TTC17: variants seen among roughly 807,000 people sequenced by gnomAD.
TTC17 encodes tetratricopeptide repeat domain 17.
Under a neutral mutation model 143.8 loss-of-function variants are expected in TTC17, and 58 were observed. That is an observed-to-expected ratio of 0.40 (90% confidence interval 0.33 to 0.50). TTC17 has a LOEUF of 0.50. Among genes scored for constraint, TTC17 ranks in the 20% least tolerant of loss-of-function variants. TTC17 has a pLI of 0.49. For synonymous variants in TTC17, 501 were observed against 497.8 expected, an observed-to-expected ratio of 1.01 and a Z score of -0.09; for missense variants, 1,273 against 1,392.5, an observed-to-expected ratio of 0.91 and a Z score of 1.37.
At chr11:43,385,519 A>G (rs1222804222) in intron 2 of TTC17, 3 of 152,306 alleles carry the variant, frequency 2.0e-5, no homozygotes, top group East Asian at 1.9e-4. Context: ...TGGTGGGAAC[A>G]CTTCATTTCA....
At chr11:43,408,395 A>C (rs1050873350) in intron 15 of TTC17, among the ~76,000 whole-genome samples, 1 of 152,210 alleles carries the variant, frequency 6.6e-6, no homozygotes, top group African/African-American at 2.4e-5. Context: ...GCAGAAGTTT[A>C]CAATCTCAAT....
rs934555139 is a variant in TTC17, at chr11:43,358,959, C to G, written c.5C>G (p.Ala2Gly). M[A>G]AAVGVRGRYE... is the part of the protein sequence containing the mutation. ...CGGCCCGGCCGGGGGGGCAAGATGG[C>G]GGCGGCAGTAGGGGTTCGTGGCCGG... Residue 2 changes from alanine to glycine, a missense_variant, in exon 1 of 24, where the codon GCG (alanine) becomes GGG (glycine). Ala to Gly is a moderately conservative substitution (Grantham distance 60, BLOSUM62 0). Around this residue, in one of 3 missense-constraint regions of TTC17, gnomAD observed 70 missense variants for 48.5 expected, o/e 1.44. Transcript: ENST00000039989. 8 of 1,571,714 alleles carry G rather than the reference C, an allele frequency of 5.1e-6. No individual in the cohort carries two copies. The Admixed American group carries it at 7.2e-5, about 14-fold the overall frequency.
At chr11:43,369,879 G>C (rs1462568017) in intron 1 of TTC17, among the ~76,000 whole-genome samples, 1 of 152,104 alleles carries the variant, frequency 6.6e-6, no homozygotes, top group Non-Finnish European at 1.5e-5. Flanking sequence ...GCCTCCCAAA[G>C]TGCTGGGATT....
chr11:43,404,036 G>C lies in TTC17; in HGVS notation c.1371G>C (p.Val457=). 6.2e-7 allele frequency: 1 copy of C among 1,612,020 alleles called. No individual in the cohort carries two copies. Among genetic ancestry groups the C allele is most frequent in the Non-Finnish European group, 8.5e-7 (1 of 1,179,016 alleles). ...EDSSTSSMMS[V]NFDVQSNQSD... The stretch of plus-strand genomic sequence containing the variant: ...CATCAACCTCCAGTATGATGTCTGT[G>C]AACTTTGATGTTCAATCAAATCAGA... Residue 457 remains valine (V), a synonymous_variant, in exon 11 of 24, where the codon GTG becomes GTC. Coordinates refer to ENST00000039989, the MANE Select transcript of TTC17 (RefSeq NM_018259.6).
chr11:43,454,336 A>G (rs1947721555), intron 21 of TTC17, among the ~76,000 whole-genome samples: 1 of 152,118 alleles, frequency 6.6e-6, no homozygotes, highest in Non-Finnish European at 1.5e-5. Flanking sequence ...GTATTATATA[A>G]AGGCCTTACT....
In TTC17 at chr11:43,398,559, T is replaced by C. The variant is rs375471879; in HGVS notation, c.1058+446T>C. On this transcript the variant is annotated intron_variant, in intron 8 of 23. Transcript: ENST00000039989. ...GTGGTGGCTCCTAGGGTTGAGTTAT[T>C]GTTAAGGTAGTTAAATGGCATTGAG... Among the ~76,000 whole-genome samples the C allele has an allele frequency of 4.1e-4, 62 of 152,312 alleles. No homozygotes were observed. In the East Asian group the frequency reaches 4.4e-3, roughly 11 times the overall value.
In TTC17 at chr11:43,454,819, G is replaced by C. The variant is rs150950823; in HGVS notation, c.3030+3554G>C. 7.9e-5 allele frequency among the ~76,000 whole-genome samples: 12 copies of C among 152,002 alleles called. No individual in the cohort carries two copies. The East Asian group carries it at 2.1e-3, about 27-fold the overall frequency. On this transcript the variant is annotated intron_variant, in intron 21 of 23. Transcript: ENST00000039989. Reference sequence around the variant, plus strand: ...TGTATCCAGAAACAAATGTCATAAAGCAGAGACTCAGGGAGATTCAGAGAA... The same window carrying C: ...TGTATCCAGAAACAAATGTCATAAACCAGAGACTCAGGGAGATTCAGAGAA...
intron 21 of TTC17, chr11:43,466,828 A>G (rs1037594810): frequency 4.9e-5 from 14 of 285,798 alleles, no homozygotes; most frequent in Non-Finnish European, 8.4e-5. Flanking sequence ...GGGTCCAGGA[A>G]TGGCAAGACA....
intron 16 of TTC17, among the ~76,000 whole-genome samples, chr11:43,442,837 G>A (rs1253203021): frequency 1.3e-5 from 2 of 152,138 alleles, no homozygotes; most frequent in Non-Finnish European, 2.9e-5. Context: ...AAAAATGGGA[G>A]CCTTCATGTA....
chr11:43,475,355 T>C (rs1442153982), intron 21 of TTC17, among the ~76,000 whole-genome samples: 6 of 152,112 alleles, frequency 3.9e-5, no homozygotes, highest in African/African-American at 1.2e-4. Context: ...CATTCAGTTT[T>C]ATAAGGAAAG....
chr11:43,402,735 ACTC>A (rs1380460259), intron 10 of TTC17, among the ~76,000 whole-genome samples: 1 of 152,190 alleles, frequency 6.6e-6, no homozygotes, highest in Admixed American at 6.5e-5. Context: ...AATCTGAAAT[ACTC>A]CTGATTAAGC....
chr11:43,416,996 A>G (rs1946793249), intron 16 of TTC17, among the ~76,000 whole-genome samples: 2 of 152,200 alleles, frequency 1.3e-5, no homozygotes, highest in Admixed American at 1.3e-4. Context: ...TAATACCTAA[A>G]TAAATACTGT....
intron 21 of TTC17, among the ~76,000 whole-genome samples, chr11:43,461,390 CAAAA>C (rs750240102): frequency 5.5e-5 from 2 of 36,038 alleles, no homozygotes; most frequent in Admixed American, 3.5e-4. Flanking sequence ...AACTCCGTCT[CAAAA>C]AAAAAAAAAA....
intron 2 of TTC17, among the ~76,000 whole-genome samples, chr11:43,381,365 C>T (rs1450269990): frequency 6.6e-6 from 1 of 152,118 alleles, no homozygotes; most frequent in Non-Finnish European, 1.5e-5. Context: ...AGCTACCGAC[C>T]TTTTGGGCTC....
rs534021257 is a variant in TTC17, at chr11:43,358,976, C to T, written c.22C>T (p.Arg8Cys). MAAAVGV[R>C]GRYELPPCSG... ...CAAGATGGCGGCGGCAGTAGGGGTT[C>T]GTGGCCGGTACGAGCTGCCGCCTTG... The change falls in exon 1 of 24, where the codon CGT (arginine) becomes TGT (cysteine). Residue 8 changes from arginine to cysteine, a missense_variant. Transcript: ENST00000039989. 10 of 1,580,448 alleles carry T rather than the reference C, an allele frequency of 6.3e-6. No individual in the cohort carries two copies. Among genetic ancestry groups the T allele is most frequent in the South Asian group, 5.7e-5 (5 of 87,950 alleles).
chr11:43,377,136 A>G (rs986531183), intron 1 of TTC17, among the ~76,000 whole-genome samples: 6 of 152,132 alleles, frequency 3.9e-5, no homozygotes, highest in South Asian at 4.1e-4. Context: ...TACTAAAAAT[A>G]CAAAAACTTA....
intron 21 of TTC17, among the ~76,000 whole-genome samples, chr11:43,461,544 CAG>C (rs1322676567): frequency 1.3e-5 from 2 of 151,394 alleles, no homozygotes; most frequent in Non-Finnish European, 2.9e-5. Context: ...CAAACAAAAA[CAG>C]AGACAATTTG....
At chr11:43,464,556 A>C (rs570479937) in intron 21 of TTC17, among the ~76,000 whole-genome samples, 1 of 152,208 alleles carries the variant, frequency 6.6e-6, no homozygotes, top group Non-Finnish European at 1.5e-5. Flanking sequence ...AGTATTTTCA[A>C]ATTATATTAC....
intron 8 of TTC17, among the ~76,000 whole-genome samples, chr11:43,398,984 C>A (rs1027929256): frequency 6.6e-6 from 1 of 152,188 alleles, no homozygotes; most frequent in Non-Finnish European, 1.5e-5. Flanking sequence ...TTTACACAAT[C>A]TGTATAGTTC....
Sources: gnomAD v4.1 joint callset for allele counts (sites outside exome capture counted in the v4.1 genomes callset) on GRCh38, gnomAD v4.1.1 for gene constraint, gnomAD v4.1.1 regional missense constraint, MANE v1.5 for transcripts, NCBI Gene and HGNC (gene_info 2026-07-23, HGNC 2026-07-21) for gene names.